The following ATE1 variants were observed in gnomAD, a reference collection of about 807,000 sequenced individuals.
The protein encoded by ATE1 is arginyl-tRNA--protein transferase 1.
A neutral mutation model predicts 70.5 loss-of-function variants in ATE1; 36 were observed. The ratio of observed to expected loss-of-function variants is 0.51; its 90% CI spans 0.39 to 0.67. The LOEUF is 0.67. Among genes scored for constraint, ATE1 ranks in the 30% least tolerant of loss-of-function variants. The pLI is 0.00. For missense variants in ATE1, 593 were observed against 629.5 expected, an observed-to-expected ratio of 0.94 and a Z score of 0.62; for synonymous variants, 232 against 219.3, an observed-to-expected ratio of 1.06 and a Z score of -0.51.
intron 7 of ATE1, among the ~76,000 whole-genome samples, chr10:121,883,351 G>C (rs539525607): frequency 6.6e-6 from 1 of 151,800 alleles, no homozygotes; most frequent in Non-Finnish European, 1.5e-5. Flanking sequence ...CAAATGCCTC[G>C]ACAGTACTTA....
intron 8 of ATE1, among the ~76,000 whole-genome samples, chr10:121,850,376 C>A (rs373782510): frequency 1.3e-5 from 2 of 152,184 alleles, no homozygotes; most frequent in Admixed American, 1.3e-4. Context: ...CTATGTCTTA[C>A]AACAGTCCCT....
At chr10:121,869,946 G>C in intron 8 of ATE1, 60 bp downstream of exon 8, 1 of 1,444,618 alleles carries the variant, frequency 6.9e-7, no homozygotes, top group Non-Finnish European at 9.7e-7. Context: ...CCTAATGAAA[G>C]ATATCAACAA....
At chr10:121,889,543 C>A (rs780922060) in intron 7 of ATE1, among the ~76,000 whole-genome samples, 2 of 152,096 alleles carry the variant, frequency 1.3e-5, no homozygotes, top group Non-Finnish European at 2.9e-5. Flanking sequence ...TAGCTCATGC[C>A]TGTAATCCCA....
At chr10:121,757,311 C>T (rs1944848303) in intron 11 of ATE1, among the ~76,000 whole-genome samples, 1 of 152,218 alleles carries the variant, frequency 6.6e-6, no homozygotes, top group African/African-American at 2.4e-5. Flanking sequence ...CAACAAATCT[C>T]TAGGAAGTTC....
At chr10:121,748,975 C>T (rs1001855397) in intron 11 of ATE1, among the ~76,000 whole-genome samples, 1 of 150,302 alleles carries the variant, frequency 6.7e-6, no homozygotes, top group Non-Finnish European at 1.5e-5. Flanking sequence ...ACAGACTATG[C>T]TGAAACTTGA....
chr10:121,796,948 T>C (rs1342047836), intron 10 of ATE1, among the ~76,000 whole-genome samples: 6 of 152,134 alleles, frequency 3.9e-5, no homozygotes, highest in Non-Finnish European at 8.8e-5. Flanking sequence ...AATCGCAAAA[T>C]AAATACATGG....
chr10:121,922,249 C>T lies in ATE1; in HGVS notation c.233+100G>A. 2 of 792,944 alleles carry T rather than the reference C, an allele frequency of 2.5e-6. 1 individual carries two copies. Among genetic ancestry groups the T allele is most frequent in the South Asian group, 3.2e-5 (2 of 62,108 alleles). The allele number at this position is 792,944 out of a possible 1,614,324, so 49.1% of individuals were successfully genotyped here. On this transcript the variant is annotated intron_variant, in intron 3 of 11. Transcript: ENST00000224652. ...ACTTTTCCTTTTAAAGGACATCTAC[C>T]TAGAGCGGAAATAAACATTAAAAAA...
chr10:121,845,028 G>A lies in ATE1; in HGVS notation c.976-3765C>T, dbSNP rs937924667. Among the ~76,000 whole-genome samples the A allele has an allele frequency of 5.3e-5, 8 of 152,254 alleles. No individual in the cohort carries two copies. In the South Asian group the frequency reaches 1.7e-3, roughly 32 times the overall value. ...ATAAAGCATTTTTTATTTAAGGTAT[G>A]TAAGTTGTTTTTTCAGATATAATGT... On this transcript the variant is annotated intron_variant, in intron 8 of 11. Coordinates refer to ENST00000224652, the MANE Select transcript of ATE1 (RefSeq NM_001001976.3).
In ATE1 at chr10:121,745,442, T is replaced by C. The variant is rs375243064; in HGVS notation, c.1379-1584A>G. 4.6e-3 allele frequency among the ~76,000 whole-genome samples: 693 copies of C among 152,022 alleles called. 3 individuals carry two copies. Among genetic ancestry groups the C allele is most frequent in the Admixed American group, 5.4e-3 (82 of 15,286 alleles). On this transcript the variant is annotated intron_variant, in intron 11 of 11. Transcript: ENST00000224652. ...AGTGGGTTAAGAACCACAGGCGGGG[T>C]GCAGTGGCTCACGCCTGTAATCCCA...
chr10:121,844,765 A>G (rs1321753948), intron 8 of ATE1, among the ~76,000 whole-genome samples: 1 of 152,200 alleles, frequency 6.6e-6, no homozygotes, highest in Non-Finnish European at 1.5e-5. Flanking sequence ...TAGAATAACT[A>G]TCAAGACACA....
intron 8 of ATE1, among the ~76,000 whole-genome samples, chr10:121,857,217 G>A (rs879025775): frequency 6.6e-6 from 1 of 152,150 alleles, no homozygotes; most frequent in Admixed American, 6.5e-5. Flanking sequence ...CCAACACCCA[G>A]GTAGTTAAGC....
upstream of ATE1, chr10:121,928,303 C>T (rs1952189820): frequency 2.0e-6 from 3 of 1,503,364 alleles, no homozygotes; most frequent in Non-Finnish European, 2.7e-6. Flanking sequence ...AGGGCCTGTG[C>T]GGGGCGCGGC....
intron 1 of ATE1, among the ~76,000 whole-genome samples, chr10:121,925,204 T>G (rs2134646572): frequency 6.6e-6 from 1 of 152,286 alleles, no homozygotes; most frequent in Non-Finnish European, 1.5e-5. Context: ...GCAGATCATC[T>G]GAGGTCAGGA....
chr10:121,895,991 T>C (rs921232229), intron 7 of ATE1, among the ~76,000 whole-genome samples: 1 of 152,184 alleles, frequency 6.6e-6, no homozygotes, highest in African/African-American at 2.4e-5. Flanking sequence ...GTAATAATGG[T>C]ACTGTAGTTA....
chr10:121,742,006 T>C lies in ATE1; in HGVS notation c.*1674A>G, dbSNP rs919822910. 9 of 152,238 alleles carry C rather than the reference T, an allele frequency of 5.9e-5. No homozygotes were observed. The highest frequency in any genetic ancestry group is 1.0e-4 in the Non-Finnish European group (7 of 68,040). 9.4% of individuals were successfully genotyped at this position (152,238 alleles called of 1,614,324 possible). A position where few individuals can be genotyped will look rare whatever the true frequency, so the allele number is the denominator to read the frequency against. On this transcript the variant is annotated 3_prime_UTR_variant, in exon 12 of 12. Transcript: ENST00000224652. ...GAGGAAAAAGAGAAAAAAGGCTCTA[T>C]AGATTCTGAAGGCAGTTCCAAGTAA... is the stretch of plus-strand genomic sequence containing the variant.
At chr10:121,844,770 G>C (rs1337787549) in intron 8 of ATE1, among the ~76,000 whole-genome samples, 3 of 152,166 alleles carry the variant, frequency 2.0e-5, no homozygotes, top group African/African-American at 7.2e-5. Flanking sequence ...TAACTATCAA[G>C]ACACACACAC....
At chr10:121,845,268 T>C (rs1948773646) in intron 8 of ATE1, among the ~76,000 whole-genome samples, 1 of 152,160 alleles carries the variant, frequency 6.6e-6, no homozygotes, top group Non-Finnish European at 1.5e-5. Flanking sequence ...TGTGGGCTAT[T>C]AGGGGAATGA....
chr10:121,826,132 G>A (rs1422751592), intron 10 of ATE1, among the ~76,000 whole-genome samples: 1 of 152,112 alleles, frequency 6.6e-6, no homozygotes, highest in African/African-American at 2.4e-5. Flanking sequence ...TTAGGGGTGG[G>A]GAAGGGGGAG....
intron 9 of ATE1, among the ~76,000 whole-genome samples, chr10:121,840,722 A>G (rs561360567): frequency 6.6e-6 from 1 of 151,292 alleles, no homozygotes; most frequent in Non-Finnish European, 1.5e-5. Context: ...TAGATTATAG[A>G]TACTAGTTAT....
Sources: allele counts gnomAD v4.1 joint callset (sites outside exome capture counted in the v4.1 genomes callset), GRCh38; gene constraint gnomAD v4.1.1; transcripts MANE v1.5; gene names NCBI Gene and HGNC (gene_info 2026-07-23, HGNC 2026-07-21).